ANAPC10: variants seen among roughly 807,000 people sequenced by gnomAD.
ANAPC10 encodes anaphase-promoting complex subunit 10.
Under a neutral mutation model 22.0 loss-of-function variants are expected in ANAPC10, and 12 were observed. The observed-to-expected ratio is 0.55, with a 90% CI of 0.35 to 0.88. ANAPC10 has a LOEUF of 0.88. ANAPC10 is among the 40% of genes least tolerant of loss of function. ANAPC10 has a pLI of 0.01. For missense variants in ANAPC10, 188 were observed against 220.9 expected, an observed-to-expected ratio of 0.85 and a Z score of 0.94; for synonymous variants, 65 against 69.5, an observed-to-expected ratio of 0.94 and a Z score of 0.32.
intron 4 of ANAPC10, among the ~76,000 whole-genome samples, chr4:145,020,254 T>C (rs954314097): frequency 1.6e-4 from 24 of 152,294 alleles, no homozygotes; most frequent in African/African-American, 5.8e-4. Flanking sequence ...GTGGGTTTCA[T>C]GCCAGGGATG....
rs578178970 is a variant in ANAPC10, at chr4:144,998,071, A to G, written c.328-2468T>C. 4.6e-5 allele frequency among the ~76,000 whole-genome samples: 7 copies of G among 152,342 alleles called. No homozygotes were observed. The South Asian group carries it at 1.5e-3, about 32-fold the overall frequency. On this transcript the variant is annotated intron_variant, in intron 4 of 4. Transcript: ENST00000507656. The stretch of plus-strand genomic sequence containing the variant: ...ATGCACCCAATACAGGAGCACCCAG[A>G]TTCATAAAGCAAGTCCTTAGAGATC...
intron 3 of ANAPC10, among the ~76,000 whole-genome samples, chr4:145,069,014 A>G (rs552835489): frequency 2.2e-4 from 33 of 152,362 alleles, no homozygotes; most frequent in African/African-American, 7.5e-4. Context: ...GAAAGGATAT[A>G]TGAGACCTTA....
intron 4 of ANAPC10, among the ~76,000 whole-genome samples, chr4:145,017,375 A>T (rs1190473024): frequency 1.3e-5 from 2 of 152,260 alleles, no homozygotes; most frequent in Non-Finnish European, 2.9e-5. Flanking sequence ...AAAAATGCTC[A>T]TCATCACTGG....
chr4:145,067,692 G>A (rs1191904009), intron 3 of ANAPC10, among the ~76,000 whole-genome samples: 1 of 152,180 alleles, frequency 6.6e-6, no homozygotes, highest in Non-Finnish European at 1.5e-5. Context: ...TGCTACCACA[G>A]ATACGAGCAT....
At chr4:145,081,381 G>A (rs545304907) in intron 3 of ANAPC10, among the ~76,000 whole-genome samples, 5 of 151,876 alleles carry the variant, frequency 3.3e-5, no homozygotes, top group Non-Finnish European at 7.4e-5. Context: ...CTTTCTGAAA[G>A]TACCCGCAAA....
At chr4:145,069,175 T>G (rs920864143) in intron 3 of ANAPC10, among the ~76,000 whole-genome samples, 7 of 152,180 alleles carry the variant, frequency 4.6e-5, no homozygotes, top group Non-Finnish European at 7.3e-5. Flanking sequence ...CCAGAGATGC[T>G]GAGCAACAGG....
At chr4:145,011,899 G>A (rs1323872029) in intron 4 of ANAPC10, among the ~76,000 whole-genome samples, 3 of 152,066 alleles carry the variant, frequency 2.0e-5, no homozygotes, top group African/African-American at 7.3e-5. Context: ...AGGGGAAGGA[G>A]CATGAAAATA....
intron 4 of ANAPC10, among the ~76,000 whole-genome samples, chr4:145,013,954 G>A (rs979790925): frequency 3.3e-5 from 5 of 152,108 alleles, no homozygotes; most frequent in African/African-American, 7.2e-5. Context: ...TCCCCAGGCA[G>A]GCCATTCTTG....
chr4:145,002,125 C>T (rs1357642802), intron 4 of ANAPC10, among the ~76,000 whole-genome samples: 2 of 152,050 alleles, frequency 1.3e-5, no homozygotes, highest in Non-Finnish European at 2.9e-5. Context: ...TAGAATCTTA[C>T]TACGAGAACT....
chr4:145,031,364 C>T (rs560410598), intron 4 of ANAPC10, among the ~76,000 whole-genome samples: 121 of 152,276 alleles, frequency 7.9e-4, no homozygotes, highest in African/African-American at 2.8e-3. Flanking sequence ...CCGGGACCGT[C>T]GACCTCAGTA....
intron 3 of ANAPC10, among the ~76,000 whole-genome samples, chr4:145,067,613 T>C (rs939880745): frequency 2.0e-5 from 3 of 152,312 alleles, no homozygotes; most frequent in Non-Finnish European, 1.5e-5. Context: ...TTGACTAAGA[T>C]ATAATGCAGT....
chr4:145,020,901 A>G (rs950413049), intron 4 of ANAPC10, among the ~76,000 whole-genome samples: 9 of 152,106 alleles, frequency 5.9e-5, no homozygotes, highest in Admixed American at 4.6e-4. Flanking sequence ...AGGAGGCAAA[A>G]GACCTCTACA....
At chr4:145,052,376 C>A (rs1056462050) in intron 4 of ANAPC10, among the ~76,000 whole-genome samples, 1 of 152,166 alleles carries the variant, frequency 6.6e-6, no homozygotes, top group South Asian at 2.1e-4. Context: ...TAAATATACA[C>A]AATTTTCTGT....
chr4:145,011,574 T>G (rs1235751064), intron 4 of ANAPC10, among the ~76,000 whole-genome samples: 2 of 152,046 alleles, frequency 1.3e-5, no homozygotes, highest in East Asian at 3.9e-4. Flanking sequence ...GCACCCATTT[T>G]AACAACAGGA....
chr4:145,053,736 G>T, intron 4 of ANAPC10: 1 of 635,914 alleles, frequency 1.6e-6, no homozygotes, highest in South Asian at 1.8e-5. Flanking sequence ...TTTATCCTGA[G>T]ACTTGAAGAT....
At chr4:145,057,410 T>C (rs1742221194) in intron 4 of ANAPC10, among the ~76,000 whole-genome samples, 1 of 152,116 alleles carries the variant, frequency 6.6e-6, no homozygotes, top group African/African-American at 2.4e-5. Flanking sequence ...TATGACAACA[T>C]ATTCTCTTAA....
intron 4 of ANAPC10, among the ~76,000 whole-genome samples, chr4:145,002,122 TTAC>T (rs1006648606): frequency 3.3e-4 from 51 of 152,298 alleles, no homozygotes; most frequent in African/African-American, 1.2e-3. Context: ...CTGTAGAATC[TTAC>T]TACGAGAACT....
At chr4:145,053,661 G>C (rs538174909) in intron 4 of ANAPC10, 65 of 495,080 alleles carry the variant, frequency 1.3e-4, no homozygotes, top group African/African-American at 8.7e-4. Flanking sequence ...TTATGAAGGA[G>C]AAATGGACAC....
intron 3 of ANAPC10, among the ~76,000 whole-genome samples, chr4:145,080,056 G>C (rs1173593929): frequency 2.9e-5 from 4 of 139,854 alleles, no homozygotes; most frequent in Non-Finnish European, 6.1e-5. Context: ...AGAGGTTGCA[G>C]TGAACAGAGA....
Sources: allele counts gnomAD v4.1 joint callset (sites outside exome capture counted in the v4.1 genomes callset), GRCh38; gene constraint gnomAD v4.1.1; transcripts MANE v1.5; gene names NCBI Gene and HGNC (gene_info 2026-07-23, HGNC 2026-07-21).